P4HA1: variants seen among roughly 807,000 people sequenced by gnomAD.
P4HA1 encodes the protein prolyl 4-hydroxylase subunit alpha 1.
Under a neutral mutation model 72.8 loss-of-function variants are expected in P4HA1, and 24 were observed. The observed-to-expected ratio is 0.33, with a 90% CI of 0.24 to 0.46. The LOEUF (loss-of-function observed/expected upper bound fraction) is 0.46. Ranked by LOEUF, P4HA1 falls within the 20% of genes least tolerant of loss-of-function variation. The probability of loss-of-function intolerance (pLI) is 1.00; values close to 1 mark genes in which losing one functional copy is unlikely to be tolerated. For missense variants in P4HA1, 446 were observed against 640.6 expected (o/e 0.70, Z 3.28); for synonymous variants, 201 against 218.8 (o/e 0.92, Z 0.72).
chr10:73,022,276 TG>T (rs902017045), intron 10 of P4HA1, among the ~76,000 whole-genome samples: 7 of 152,262 alleles, frequency 4.6e-5, no homozygotes, highest in African/African-American at 1.7e-4. Context: ...GGTGCCCCTC[TG>T]GGATGAAGCT....
At chr10:73,037,178 T>A (rs1840593550) in intron 9 of P4HA1, among the ~76,000 whole-genome samples, 1 of 152,020 alleles carries the variant, frequency 6.6e-6, no homozygotes, top group African/African-American at 2.4e-5. Flanking sequence ...TGTCCTTTTT[T>A]TTCCATTAAA....
Position 73,096,376 on chromosome 10 carries a change from G to A in P4HA1, c.-33+390C>T, listed in dbSNP as rs555811807. ...CCAAAAGCCCACGCCCCGCGCTTGC[G>A]TTCCCCTTAGCCTCGTTAGGGAGGA... On this transcript the variant is annotated intron_variant, in intron 1 of 14. Transcript: ENST00000394890. Among the ~76,000 whole-genome samples the A allele has an allele frequency of 1.4e-4, 22 of 152,170 alleles. No individual in the cohort carries two copies. The South Asian group carries it at 4.6e-3, about 31-fold the overall frequency.
Position 73,051,064 on chromosome 10 carries a change from C to T in P4HA1, c.889G>A (p.Gly297Ser), listed in dbSNP as rs201130068. Residue 297 changes from glycine to serine, a missense_variant, in exon 7 of 15, where the codon GGT (glycine) becomes AGT (serine). Gly to Ser is a moderately conservative substitution (Grantham distance 56, BLOSUM62 0). Transcript: ENST00000394890. ...CTTTTCCACTTTACCATTTTGATAC[C>T]CTCCCCACGGCACAGCATTTCGTAC... is the stretch of plus-strand genomic sequence containing the variant. ...QKYEMLCRGE[G>S]IKMTPRRQKK... The T allele has an allele frequency of 6.2e-7, 1 of 1,613,138 alleles. No individual in the cohort carries two copies. The highest frequency in any genetic ancestry group is 8.5e-7 in the Non-Finnish European group (1 of 1,179,566).
intron 1 of P4HA1, among the ~76,000 whole-genome samples, chr10:73,084,128 G>A (rs1841877950): frequency 6.6e-6 from 1 of 152,284 alleles, no homozygotes; most frequent in Non-Finnish European, 1.5e-5. Context: ...ATTTAAACAA[G>A]AAGTTCTGAT....
At chr10:73,094,737 A>G (rs893830522) in intron 1 of P4HA1, among the ~76,000 whole-genome samples, 2 of 152,252 alleles carry the variant, frequency 1.3e-5, no homozygotes, top group Non-Finnish European at 2.9e-5. Context: ...CTGCACTAAT[A>G]GAAAAGGTTA....
chr10:73,079,469 C>T (rs549697322), intron 1 of P4HA1, among the ~76,000 whole-genome samples: 20 of 152,142 alleles, frequency 1.3e-4, no homozygotes, highest in South Asian at 4.1e-4. Flanking sequence ...AGGCCAGGAG[C>T]GGTGGCTCAC....
intron 9 of P4HA1, among the ~76,000 whole-genome samples, chr10:73,032,710 T>C (rs974874225): frequency 2.0e-5 from 3 of 152,212 alleles, no homozygotes; most frequent in Admixed American, 2.0e-4. Flanking sequence ...TAGAGAAGCT[T>C]TCCTTTACCT....
chr10:73,018,106 G>T (rs1840049827), intron 10 of P4HA1, among the ~76,000 whole-genome samples: 1 of 152,128 alleles, frequency 6.6e-6, no homozygotes, highest in Non-Finnish European at 1.5e-5. Flanking sequence ...TCCTGGTGGG[G>T]TCAAGAGAGG....
At position 73,096,129 on chromosome 10, in the gene P4HA1, T is replaced by C. The variant is rs532559855; in HGVS notation, c.-33+637A>G. Among the ~76,000 whole-genome samples, 8 of 152,336 alleles carry C rather than the reference T, an allele frequency of 5.3e-5. No homozygotes were observed. In the South Asian group the frequency reaches 1.4e-3, roughly 28 times the overall value. On this transcript the variant is annotated intron_variant, in intron 1 of 14. Transcript: ENST00000394890. ...CGAGGTGACCTGAGAGCCTACTTCCTCGGCGCTACGAGCAGAAAGCTCGGC... is the reference window on the plus strand; with the variant it reads ...CGAGGTGACCTGAGAGCCTACTTCCCCGGCGCTACGAGCAGAAAGCTCGGC...
chr10:73,088,161 G>A (rs1841960441), intron 1 of P4HA1, among the ~76,000 whole-genome samples: 1 of 152,080 alleles, frequency 6.6e-6, no homozygotes, highest in African/African-American at 2.4e-5. Context: ...CCAAAATGCT[G>A]GGATTACAAA....
intron 1 of P4HA1, among the ~76,000 whole-genome samples, chr10:73,090,326 G>C (rs1297569281): frequency 6.6e-6 from 1 of 150,840 alleles, no homozygotes; most frequent in Non-Finnish European, 1.5e-5. Flanking sequence ...TAGAGATGAA[G>C]TCTTTCTATG....
At chr10:73,085,555 G>T (rs1277150904) in intron 1 of P4HA1, among the ~76,000 whole-genome samples, 3 of 151,938 alleles carry the variant, frequency 2.0e-5, no homozygotes, top group Non-Finnish European at 2.9e-5. Flanking sequence ...GGCTAATTTT[G>T]TATTTTTAGC....
At chr10:73,025,860 T>C (rs947657655) in intron 10 of P4HA1, among the ~76,000 whole-genome samples, 69 of 152,036 alleles carry the variant, frequency 4.5e-4, no homozygotes, top group African/African-American at 1.5e-3. Context: ...CCATTCACAA[T>C]TGCTACAAAG....
At position 73,008,197 on chromosome 10, in the gene P4HA1, T is replaced by C. The variant is rs747411613; in HGVS notation, c.*25A>G. The stretch of plus-strand genomic sequence containing the variant: ...TATCAGACACATAAGAGTACAACAA[T>C]AGGAGAAAAAGGGAAGCCTGTTTGT... On this transcript the variant is annotated 3_prime_UTR_variant, in exon 15 of 15. Coordinates refer to ENST00000394890, the MANE Select transcript of P4HA1 (RefSeq NM_001017962.3). 6.8e-6 allele frequency: 10 copies of C among 1,481,074 alleles called. No individual in the cohort carries two copies. Among genetic ancestry groups the C allele is most frequent in the South Asian group, 3.4e-5 (3 of 88,034 alleles). The allele number at this position is 1,481,074 out of a possible 1,614,324, so 91.7% of individuals were successfully genotyped here. A position where few individuals can be genotyped will look rare whatever the true frequency, so the allele number is the denominator to read the frequency against.
At chr10:73,093,907 T>TATATATATATATATACAC (rs1256283876) in intron 1 of P4HA1, among the ~76,000 whole-genome samples, 3 of 55,614 alleles carry the variant, frequency 5.4e-5, no homozygotes, top group African/African-American at 2.8e-4. Flanking sequence ...TATATATATA[T>TATATATATATATATACAC]ACACACACAC....
chr10:73,025,070 A>C (rs1328405529), intron 10 of P4HA1, among the ~76,000 whole-genome samples: 1 of 152,248 alleles, frequency 6.6e-6, no homozygotes, highest in Non-Finnish European at 1.5e-5. Flanking sequence ...AGGAGCTGGT[A>C]CCATTCCTTC....
At chr10:73,024,726 A>C (rs994421946) in intron 10 of P4HA1, among the ~76,000 whole-genome samples, 2 of 152,228 alleles carry the variant, frequency 1.3e-5, no homozygotes, top group Non-Finnish European at 2.9e-5. Flanking sequence ...AAGATCAACA[A>C]AATTGATAGA....
chr10:73,043,703 C>T (rs1444836970), intron 9 of P4HA1, among the ~76,000 whole-genome samples: 8 of 152,150 alleles, frequency 5.3e-5, no homozygotes, highest in Admixed American at 5.2e-4. Flanking sequence ...CTTTGGAAAA[C>T]CCCTATTAAC....
chr10:73,060,215 G>C (rs1841280410), intron 5 of P4HA1, among the ~76,000 whole-genome samples: 1 of 152,088 alleles, frequency 6.6e-6, no homozygotes, highest in Non-Finnish European at 1.5e-5. Context: ...TTAATAGTAT[G>C]AATAAAAGAA....
Sources: gnomAD v4.1 joint callset for allele counts (sites outside exome capture counted in the v4.1 genomes callset) on GRCh38, gnomAD v4.1.1 for gene constraint, MANE v1.5 for transcripts, NCBI Gene and HGNC (gene_info 2026-07-23, HGNC 2026-07-21) for gene names.